Variants in OPTC observed in about 807,000 individuals in gnomAD.
The protein encoded by OPTC is opticin.
Under a neutral mutation model 25.4 loss-of-function variants are expected in OPTC, and 22 were observed. That is an observed-to-expected ratio of 0.87 (90% CI 0.62 to 1.24). The LOEUF is 1.24. Among genes scored for constraint, OPTC ranks in the 50% most tolerant of loss-of-function variants. The probability of loss-of-function intolerance (pLI) is 0.00; values close to 1 mark genes in which losing one functional copy is unlikely to be tolerated. For missense variants in OPTC, 417 were observed against 425.2 expected, an observed-to-expected ratio of 0.98 and a Z score of 0.17; for synonymous variants, 169 against 179.3, an observed-to-expected ratio of 0.94 and a Z score of 0.46.
chr1:203,499,940 C>A, intron 5 of OPTC, 89 bp downstream of exon 5: 1 of 1,095,890 alleles, frequency 9.1e-7, no homozygotes, highest in Admixed American at 1.8e-5. Flanking sequence ...CACCACTCAC[C>A]TCCACCACCA....
At chr1:203,505,697 G>T (rs1265201522) in intron 7 of OPTC, among the ~76,000 whole-genome samples, 1 of 152,206 alleles carries the variant, frequency 6.6e-6, no homozygotes, top group African/African-American at 2.4e-5. Context: ...CTACAGACTG[G>T]CAGTGGGAAG....
intron 5 of OPTC, among the ~76,000 whole-genome samples, chr1:203,501,077 A>G (rs563955504): frequency 2.0e-5 from 3 of 152,242 alleles, no homozygotes; most frequent in Admixed American, 6.5e-5. Flanking sequence ...TTGTCTTTCT[A>G]TGATCAAATA....
intron 5 of OPTC, among the ~76,000 whole-genome samples, chr1:203,502,051 G>A (rs906333160): frequency 6.6e-6 from 1 of 152,114 alleles, no homozygotes; most frequent in Admixed American, 6.5e-5. Context: ...TGCAAAATGA[G>A]GGTAATAATA....
At chr1:203,504,733 A>G (rs999607028) in intron 7 of OPTC, among the ~76,000 whole-genome samples, 1 of 152,206 alleles carries the variant, frequency 6.6e-6, no homozygotes, top group Non-Finnish European at 1.5e-5. Context: ...CGCTTCTTGT[A>G]GCACTTACCT....
chr1:203,499,588 C>T, intron 4 of OPTC, 61 bp from the exon 5 acceptor site: 1 of 1,445,314 alleles, frequency 6.9e-7, no homozygotes, highest in Non-Finnish European at 9.7e-7. Flanking sequence ...CAGCTCCAAC[C>T]TGGACAAGGA....
intron 3 of OPTC, 30 bp downstream of exon 3, chr1:203,497,145 C>A (rs370187993): frequency 1.9e-6 from 3 of 1,613,050 alleles, no homozygotes; most frequent in African/African-American, 1.3e-5. Flanking sequence ...GTCGCAATAT[C>A]CCTAGGTCAT....
intron 5 of OPTC, among the ~76,000 whole-genome samples, chr1:203,502,052 G>A (rs1661399266): frequency 6.6e-6 from 1 of 152,060 alleles, no homozygotes; most frequent in Non-Finnish European, 1.5e-5. Flanking sequence ...GCAAAATGAG[G>A]GTAATAATAC....
chr1:203,498,735 A>G lies in OPTC; in HGVS notation c.425A>G (p.Asp142Gly), dbSNP rs1661318748. ...VCLGSSVYCDDIDLEDIPPLP... is the reference protein window; with the variant it reads ...VCLGSSVYCDGIDLEDIPPLP... Reference sequence around the variant, plus strand: ...CTCGGTTCCTCTGTGTATTGCGATGACATTGACCTAGAGGACATTCCTCCT... The same window carrying G: ...CTCGGTTCCTCTGTGTATTGCGATGGCATTGACCTAGAGGACATTCCTCCT... The change falls in exon 4 of 8, where the codon GAC becomes GGC. Residue 142 changes from aspartate to glycine, a missense_variant. Coordinates refer to ENST00000367222, the MANE Select transcript of OPTC (RefSeq NM_014359.4). 6.2e-7 allele frequency: 1 copy of G among 1,614,172 alleles called. No individual in the cohort carries two copies. Among genetic ancestry groups the G allele is most frequent in the African/African-American group, 1.3e-5 (1 of 75,060 alleles).
In OPTC at chr1:203,508,648, C is replaced by G. The variant is rs1227021433; in HGVS notation, c.*28C>G. On this transcript the variant is annotated splice_region_variant and 3_prime_UTR_variant, in exon 8 of 8. Coordinates refer to ENST00000367222, the MANE Select transcript of OPTC (RefSeq NM_014359.4). ...TTTTGTCTCTCCTCTCTCTCAAGGT[C>G]ATCTCTTGGACCAGCGGGCATCACA... is the stretch of plus-strand genomic sequence containing the variant. 1 of 151,774 alleles carries G rather than the reference C, an allele frequency of 6.6e-6. No individual in the cohort carries two copies. Among genetic ancestry groups the G allele is most frequent in the African/African-American group, 2.4e-5 (1 of 41,248 alleles). The allele number at this position is 151,774 out of a possible 1,614,324, so 9.4% of individuals were successfully genotyped here.
intron 7 of OPTC, among the ~76,000 whole-genome samples, chr1:203,505,649 C>T (rs1433424456): frequency 1.3e-5 from 2 of 152,200 alleles, no homozygotes; most frequent in Non-Finnish European, 2.9e-5. Flanking sequence ...CCAGTTCACA[C>T]GGGTGACTCA....
intron 4 of OPTC, 116 bp from the exon 5 acceptor site, chr1:203,499,533 G>C (rs1296433008): frequency 1.0e-5 from 9 of 883,910 alleles, no homozygotes; most frequent in Admixed American, 8.5e-5. Context: ...TGGAGAGCTG[G>C]TTAGAATCCC....
intron 7 of OPTC, among the ~76,000 whole-genome samples, chr1:203,504,474 A>G (rs1661445035): frequency 6.6e-6 from 1 of 152,180 alleles, no homozygotes; most frequent in African/African-American, 2.4e-5. Context: ...AAATTGGTAA[A>G]CACTACAAAT....
At chr1:203,497,140 A>C (rs1661294277) in intron 3 of OPTC, 25 bp downstream of exon 3, 5 of 1,613,516 alleles carry the variant, frequency 3.1e-6, no homozygotes, top group Non-Finnish European at 4.2e-6. Flanking sequence ...ACATGGTCGC[A>C]ATATCCCTAG....
intron 5 of OPTC, 121 bp downstream of exon 5, chr1:203,499,972 C>A: frequency 1.2e-6 from 1 of 808,238 alleles, no homozygotes. Context: ...CTCTACCACC[C>A]ACCTCCACCA....
Position 203,502,887 on chromosome 1 carries a change from C to T in OPTC, c.733-27C>T, listed in dbSNP as rs762908245. 1.1e-5 allele frequency: 17 copies of T among 1,585,328 alleles called. No homozygotes were observed. In the South Asian group the frequency reaches 1.9e-4, roughly 18 times the overall value. On this transcript the variant is annotated intron_variant, in intron 5 of 7. Coordinates refer to ENST00000367222, the MANE Select transcript of OPTC (RefSeq NM_014359.4). Reference sequence around the variant, plus strand: ...CCAGGGTCCAACAGGACCCACCAGCCTCCTACACTCTTTGCTTTCTCCACA... The same window carrying T: ...CCAGGGTCCAACAGGACCCACCAGCTTCCTACACTCTTTGCTTTCTCCACA...
intron 5 of OPTC, among the ~76,000 whole-genome samples, chr1:203,501,218 G>A (rs1326146286): frequency 1.3e-5 from 2 of 152,054 alleles, no homozygotes; most frequent in South Asian, 2.1e-4. Flanking sequence ...CTCCTGCCTC[G>A]GCCTCCTGAG....
At chr1:203,497,146 C>T (rs768388380) in intron 3 of OPTC, 31 bp downstream of exon 3, 1 of 1,612,924 alleles carries the variant, frequency 6.2e-7, no homozygotes, top group African/African-American at 1.3e-5. Context: ...TCGCAATATC[C>T]CTAGGTCATA....
Position 203,495,240 on chromosome 1 carries a change from T to C in OPTC, c.-41-725T>C, listed in dbSNP as rs145799216. Among the ~76,000 whole-genome samples the C allele has an allele frequency of 9.4e-3, 1,437 of 152,066 alleles. 17 individuals carry two copies. Among genetic ancestry groups the C allele is most frequent in the African/African-American group, 0.03 (1,241 of 41,528 alleles). Reference sequence around the variant, plus strand: ...TTTATAAAAAACCACAAGAGTCAACTGGGCGCGGTGGCTCACACCTGTAAT... The same window carrying C: ...TTTATAAAAAACCACAAGAGTCAACCGGGCGCGGTGGCTCACACCTGTAAT... On this transcript the variant is annotated intron_variant, in intron 1 of 7. Coordinates refer to ENST00000367222, the MANE Select transcript of OPTC (RefSeq NM_014359.4).
chr1:203,494,579 G>A (rs1326047978), intron 1 of OPTC, among the ~76,000 whole-genome samples: 1 of 152,112 alleles, frequency 6.6e-6, no homozygotes, highest in East Asian at 1.9e-4. Context: ...AGCCCAGGAG[G>A]TTAAGGCTTC....
Sources: gnomAD v4.1 joint callset for allele counts (sites outside exome capture counted in the v4.1 genomes callset) on GRCh38, gnomAD v4.1.1 for gene constraint, MANE v1.5 for transcripts, NCBI Gene and HGNC (gene_info 2026-07-23, HGNC 2026-07-21) for gene names.